SNORC: variants seen among roughly 807,000 people sequenced by gnomAD.
The protein encoded by SNORC is secondary ossification center associated regulator of chondrocyte maturation.
Under a neutral mutation model 9.7 loss-of-function variants are expected in SNORC, and 11 were observed. That is an observed-to-expected ratio of 1.14 (90% CI 0.72 to 1.88). SNORC has a LOEUF of 1.88. Ranked by LOEUF, SNORC falls within the 40% of genes most tolerant of loss-of-function variation. The probability of loss-of-function intolerance (pLI) is 0.00; values close to 1 mark genes in which losing one functional copy is unlikely to be tolerated. For synonymous variants in SNORC, 108 were observed against 88.7 expected (o/e 1.22, Z -1.22); for missense variants, 197 against 173.1 (o/e 1.14, Z -0.77).
chr2:232,873,517 C>T (rs895294281), intron 1 of SNORC, among the ~76,000 whole-genome samples: 50 of 152,314 alleles, frequency 3.3e-4, no homozygotes, highest in African/African-American at 1.0e-3. Flanking sequence ...GGCTGATTCC[C>T]GCAGATGCCA....
At chr2:232,876,490 G>T, downstream of SNORC, 1 of 1,317,080 alleles carries the variant, frequency 7.6e-7, no homozygotes. This position sits in a 1 kb window ranked among gnomAD's most constrained non-coding sequence, Gnocchi z 6.8. Context: ...GCTCAGGGCG[G>T]GGGTGCGCGC....
downstream of SNORC, chr2:232,877,347 C>A (rs139860690): frequency 3.2e-5 from 32 of 985,436 alleles, no homozygotes; most frequent in South Asian, 4.7e-5. Flanking sequence ...ACCTCGGAAG[C>A]ATTTAGAGAT....
chr2:232,872,828 T>G (rs2106190913), intron 1 of SNORC, among the ~76,000 whole-genome samples: 1 of 152,352 alleles, frequency 6.6e-6, no homozygotes, highest in East Asian at 1.9e-4. Context: ...TTTCCCTTCT[T>G]ACTGGAGTAA....
At chr2:232,877,724 C>T (rs1373236758), downstream of SNORC, 2 of 152,264 alleles carry the variant, frequency 1.3e-5, no homozygotes, top group African/African-American at 4.8e-5. Flanking sequence ...AGTCTGTTAA[C>T]AGCTTCCCAC....
chr2:232,870,527 G>T, intron 1 of SNORC, 113 bp downstream of exon 1: 1 of 1,044,996 alleles, frequency 9.6e-7, no homozygotes. Flanking sequence ...ACAGGAGATG[G>T]GATGACTATT....
intron 1 of SNORC, among the ~76,000 whole-genome samples, chr2:232,872,834 A>C (rs879870198): frequency 5.9e-5 from 9 of 152,160 alleles, no homozygotes; most frequent in African/African-American, 1.7e-4. Context: ...TTCTTACTGG[A>C]GTAAATTCTA....
chr2:232,872,532 C>T (rs1021122727), intron 1 of SNORC, among the ~76,000 whole-genome samples: 7 of 152,326 alleles, frequency 4.6e-5, no homozygotes, highest in African/African-American at 1.2e-4. Flanking sequence ...GGTCAGAGCG[C>T]GTAGCCACAC....
chr2:232,870,321 CT>C (rs1690978313), exon 1 of SNORC: 2 of 1,552,276 alleles, frequency 1.3e-6, no homozygotes, highest in African/African-American at 2.7e-5. Flanking sequence ...CCGCCCGCCG[CT>C]GCCCTCACTC....
At chr2:232,876,888 C>T (rs1232223085), downstream of SNORC, 2 of 985,464 alleles carry the variant, frequency 2.0e-6, no homozygotes, top group South Asian at 4.7e-5. This position sits in a 1 kb window ranked among gnomAD's most constrained non-coding sequence, Gnocchi z 6.8. Flanking sequence ...TGCCTCCCAT[C>T]CCGCTCCGCT....
Position 232,876,011 on chromosome 2 carries a change from G to A in SNORC, c.145G>A (p.Val49Met), listed in dbSNP as rs753193888. 2.6e-6 allele frequency: 4 copies of A among 1,551,972 alleles called. No individual in the cohort carries two copies. Among genetic ancestry groups the A allele is most frequent in the Admixed American group, 1.9e-5 (1 of 51,770 alleles). ...CGAGCTGCCGTCGGGAGAAGGCCCC[G>A]TGGAGAGCACCAGCCCCGGCCGGGA... is the stretch of plus-strand genomic sequence containing the variant. The change falls in exon 2 of 3, where the codon GTG (valine) becomes ATG (methionine). Residue 49 changes from valine to methionine, a missense_variant. Val to Met is a conservative substitution (Grantham distance 21). Transcript: ENST00000331342. The surrounding 1 kb of genome is among the most constrained non-coding windows in gnomAD (Gnocchi z 6.8).
At chr2:232,875,840 C>A in intron 1 of SNORC, 100 bp from the exon 2 acceptor site, 1 of 1,273,728 alleles carries the variant, frequency 7.9e-7, no homozygotes, top group South Asian at 1.5e-5. Flanking sequence ...CCAGACCCCT[C>A]ACACAGCGCT....
upstream of SNORC, chr2:232,869,945 A>G (rs537391582): frequency 3.5e-4 from 111 of 320,102 alleles, no homozygotes; most frequent in African/African-American, 2.0e-3. Flanking sequence ...CACAGTGGCC[A>G]GAGGCAGCAG....
chr2:232,870,956 A>G (rs1691005048), intron 1 of SNORC, among the ~76,000 whole-genome samples: 1 of 152,202 alleles, frequency 6.6e-6, no homozygotes, highest in African/African-American at 2.4e-5. Flanking sequence ...CTGGACTGAG[A>G]TCAGAGTGGC....
At chr2:232,872,666 C>T (rs888755907) in intron 1 of SNORC, among the ~76,000 whole-genome samples, 9 of 152,170 alleles carry the variant, frequency 5.9e-5, no homozygotes, top group East Asian at 1.9e-4. Context: ...ATTCACTGTC[C>T]GCCTGGCACG....
chr2:232,866,918 A>AT (rs1179488949), upstream of SNORC, among the ~76,000 whole-genome samples: 1 of 152,204 alleles, frequency 6.6e-6, no homozygotes, highest in Non-Finnish European at 1.5e-5. Context: ...TAAAGACATT[A>AT]TAAAAATGTT....
Position 232,876,382 on chromosome 2 carries a change from C to A in SNORC, c.*26C>A. 6.6e-7 allele frequency: 1 copy of A among 1,511,366 alleles called. No individual in the cohort carries two copies. Among genetic ancestry groups the A allele is most frequent in the East Asian group, 2.7e-5 (1 of 37,178 alleles). 93.6% of individuals were successfully genotyped at this position (1,511,366 alleles called of 1,614,324 possible). On this transcript the variant is annotated 3_prime_UTR_variant, in exon 3 of 3. Transcript: ENST00000331342. This position sits in a 1 kb window ranked among gnomAD's most constrained non-coding sequence, Gnocchi z 6.8. ...AGCGAATAAAGGGGCCGCGCCCGGCCGCGGCGCGACTCGGCTGCACTCCTC... is the reference window on the plus strand; with the variant it reads ...AGCGAATAAAGGGGCCGCGCCCGGCAGCGGCGCGACTCGGCTGCACTCCTC...
At chr2:232,870,512 C>G (rs1276827525) in intron 1 of SNORC, 98 bp downstream of exon 1, 2 of 1,176,166 alleles carry the variant, frequency 1.7e-6, no homozygotes, top group Non-Finnish European at 2.4e-6. Context: ...GGAGGAAGCC[C>G]TCTCACAGGA....
chr2:232,877,421 T>C, downstream of SNORC: 14 of 942,402 alleles, frequency 1.5e-5, no homozygotes, highest in Non-Finnish European at 1.8e-5. Flanking sequence ...ACTTGGTCCC[T>C]ACCCCAGTCC....
chr2:232,866,827 C>T (rs1690888596), upstream of SNORC, among the ~76,000 whole-genome samples: 1 of 152,194 alleles, frequency 6.6e-6, no homozygotes, highest in Admixed American at 6.5e-5. Flanking sequence ...AATTCTCCTG[C>T]CTCAGCCTCC....
Sources: gnomAD v4.1 joint callset for allele counts (sites outside exome capture counted in the v4.1 genomes callset) on GRCh38, gnomAD v4.1.1 for gene constraint, Gnocchi (gnomAD v3.1) non-coding constraint, MANE v1.5 for transcripts, NCBI Gene and HGNC (gene_info 2026-07-23, HGNC 2026-07-21) for gene names.